Variants in KLRC3 observed in about 807,000 individuals in gnomAD.
KLRC3 encodes the protein killer cell lectin like receptor C3, also known as NKG2-E type II integral membrane protein.
In KLRC3, 16 loss-of-function variants were observed where a neutral mutation model predicts 23.6. The ratio of observed to expected loss-of-function variants is 0.68; its 90% CI spans 0.46 to 1.03. The LOEUF is 1.03. Ranked by LOEUF, KLRC3 falls within the 50% of genes least tolerant of loss-of-function variation. KLRC3 has a pLI of 0.00. For missense variants in KLRC3, 209 were observed against 232.2 expected (o/e 0.90, Z 0.65); for synonymous variants, 70 against 71.8 (o/e 0.98, Z 0.13).
intron 6 of KLRC3, among the ~76,000 whole-genome samples, chr12:10,414,313 C>T (rs1591599754): frequency 6.6e-6 from 1 of 151,088 alleles, no homozygotes; most frequent in Non-Finnish European, 1.5e-5. Flanking sequence ...CAATTGATAA[C>T]ATCTATTGAA....
At position 10,415,703 on chromosome 12, in the gene KLRC3, C is replaced by T; in HGVS notation, c.678+1G>A. On this transcript the variant is annotated splice_donor_variant, in intron 6 of 6. Coordinates refer to ENST00000396439, the MANE Select transcript of KLRC3 (RefSeq NM_002261.3). LOFTEE classifies it high-confidence loss of function. ...GCTTTAATTCTAAAGCTTATGCTCA[C>T]AATGATTCTTGAAGATCCACACTGG... 2 of 1,613,052 alleles carry T rather than the reference C, an allele frequency of 1.2e-6. No homozygotes were observed. Among genetic ancestry groups the T allele is most frequent in the South Asian group, 1.1e-5 (1 of 90,950 alleles).
chr12:10,415,941 G>A, intron 5 of KLRC3, 147 bp from the exon 6 acceptor site: 1 of 638,500 alleles, frequency 1.6e-6, no homozygotes, highest in Non-Finnish European at 2.7e-6. Context: ...TCATTATTCT[G>A]AACACTCAAT....
intron 2 of KLRC3, 125 bp downstream of exon 2, chr12:10,419,741 A>C (rs1247264765): frequency 3.2e-6 from 1 of 313,598 alleles, no homozygotes; most frequent in Non-Finnish European, 6.3e-6. Flanking sequence ...AAATAAATGA[A>C]GTAATAGATC....
chr12:10,419,982 G>A lies in KLRC3; in HGVS notation c.188-18C>T, dbSNP rs1359899071. Reference sequence around the variant, plus strand: ...CAGTAAACCTGCAGGGAGAGAAATAGAGGCACTGAGAGAGGGGAGATAGAG... The same window carrying A: ...CAGTAAACCTGCAGGGAGAGAAATAAAGGCACTGAGAGAGGGGAGATAGAG... On this transcript the variant is annotated intron_variant, in intron 1 of 6. Transcript: ENST00000396439. The A allele has an allele frequency of 4.8e-6, 2 of 417,164 alleles. No homozygotes were observed. The highest frequency in any genetic ancestry group is 4.9e-5 in the African/African-American group (2 of 40,834). 25.8% of individuals were successfully genotyped at this position (417,164 alleles called of 1,614,324 possible).
At chr12:10,416,596 G>A (rs2927556) in intron 5 of KLRC3, 71 bp downstream of exon 5, 3 of 1,494,178 alleles carry the variant, frequency 2.0e-6, no homozygotes, top group East Asian at 2.4e-5. Context: ...ATTCCACATA[G>A]ATTTATTCAT....
chr12:10,418,742 CAT>C (rs1219228181), intron 3 of KLRC3, among the ~76,000 whole-genome samples: 4 of 152,250 alleles, frequency 2.6e-5, no homozygotes, highest in Admixed American at 6.5e-5. Context: ...ACACTCCACA[CAT>C]GTCTTGAACC....
At position 10,418,455 on chromosome 12, in the gene KLRC3, G is replaced by C; in HGVS notation, c.375C>G (p.Ser125=). The change falls in exon 4 of 7, where the codon TCC becomes TCG. Residue 125 remains serine, a synonymous_variant. Coordinates refer to ENST00000396439, the MANE Select transcript of KLRC3 (RefSeq NM_002261.3). ...CCTTACCAATGTAATAACAACTGTT[G>C]GAATATGTAATCCACTCCTCAGGAC... ...GHCPEEWITY[S]NSCYYIGKER... 1 of 1,605,392 alleles carries C rather than the reference G, an allele frequency of 6.2e-7. No homozygotes were observed. The highest frequency in any genetic ancestry group is 8.5e-7 in the Non-Finnish European group (1 of 1,172,312).
intron 6 of KLRC3, among the ~76,000 whole-genome samples, chr12:10,414,308 G>T (rs562368399): frequency 6.6e-6 from 1 of 151,490 alleles, no homozygotes; most frequent in Non-Finnish European, 1.5e-5. Flanking sequence ...TGTTACAATT[G>T]ATAACATCTA....
intron 6 of KLRC3, 63 bp downstream of exon 6, chr12:10,415,641 A>C (rs776018022): frequency 1.9e-6 from 3 of 1,606,266 alleles, no homozygotes; most frequent in Non-Finnish European, 1.7e-6. Flanking sequence ...TGTTTGAACA[A>C]ATATAAAATT....
intron 4 of KLRC3, among the ~76,000 whole-genome samples, 162 bp downstream of exon 4, chr12:10,418,182 G>T (rs34521278): frequency 6.6e-6 from 1 of 152,020 alleles, no homozygotes; most frequent in African/African-American, 2.4e-5. Context: ...GTACATTAGC[G>T]GTATATAACT....
At position 10,420,460 on chromosome 12, in the gene KLRC3, T is replaced by C. The variant is rs755163865; in HGVS notation, c.91A>G (p.Ile31Val). The change falls in exon 1 of 7, where the codon ATT becomes GTT. Residue 31 changes from isoleucine to valine, a missense_variant. Ile to Val is a conservative substitution (Grantham distance 29, BLOSUM62 3). Transcript: ENST00000396439. ...AATATTTCCTGTTCGGTTCCTGAAA[T>C]GGAGCTTTTATTGCCTTTAGGTTTC... Reference protein sequence around the residue: ...QRKPKGNKSSISGTEQEIFQV... With the variant: ...QRKPKGNKSSVSGTEQEIFQV... 5.0e-6 allele frequency: 8 copies of C among 1,613,200 alleles called. No homozygotes were observed. The highest frequency in any genetic ancestry group is 4.0e-5 in the African/African-American group (3 of 74,680).
chr12:10,417,539 C>T (rs1863662907), intron 4 of KLRC3, among the ~76,000 whole-genome samples: 2 of 152,122 alleles, frequency 1.3e-5, no homozygotes, highest in Non-Finnish European at 2.9e-5. Flanking sequence ...AAGGCTGGTG[C>T]CACTGGCAAG....
At chr12:10,414,620 G>A in intron 6 of KLRC3, among the ~76,000 whole-genome samples, 1 of 118,766 alleles carries the variant, frequency 8.4e-6, no homozygotes, top group Admixed American at 9.4e-5. Context: ...TGGGGTGGGG[G>A]GAGGGGGGAG....
At position 10,415,793 on chromosome 12, in the gene KLRC3, T is replaced by A. The variant is rs774801905; in HGVS notation, c.589A>T (p.Ile197Leu). 20 of 1,607,144 alleles carry A rather than the reference T, an allele frequency of 1.2e-5. No homozygotes were observed. In the South Asian group the frequency reaches 2.2e-4, roughly 18 times the overall value. ...CGTTCAGCATGATCTGAGTCTTTTATCCTGTAATGGAGAAAAATCCATAAT... is the reference window on the plus strand; with the variant it reads ...CGTTCAGCATGATCTGAGTCTTTTAACCTGTAATGGAGAAAAATCCATAAT... ...TINGLAFKHE[I>L]KDSDHAERNC... Residue 197 changes from isoleucine (I) to leucine (L), a missense_variant and splice_region_variant, in exon 6 of 7, where the codon ATA becomes TTA. Coordinates refer to ENST00000396439, the MANE Select transcript of KLRC3 (RefSeq NM_002261.3).
intron 6 of KLRC3, among the ~76,000 whole-genome samples, chr12:10,414,071 A>G (rs1863608241): frequency 6.6e-6 from 1 of 152,172 alleles, no homozygotes; most frequent in Non-Finnish European, 1.5e-5. Context: ...GTACATAGCT[A>G]CAAATAAAAA....
At chr12:10,416,994 G>T (rs1319377124) in intron 4 of KLRC3, among the ~76,000 whole-genome samples, 1 of 151,964 alleles carries the variant, frequency 6.6e-6, no homozygotes, top group Non-Finnish European at 1.5e-5. Context: ...CCAATTAACA[G>T]AATAAACACA....
At chr12:10,416,633 A>G (rs1350719715) in intron 5 of KLRC3, 34 bp downstream of exon 5, 3 of 1,579,528 alleles carry the variant, frequency 1.9e-6, no homozygotes, top group Non-Finnish European at 1.7e-6. Context: ...TATCCTTTAT[A>G]TTTTTTTATA....
At chr12:10,416,638 T>C in intron 5 of KLRC3, 29 bp downstream of exon 5, 1 of 1,585,710 alleles carries the variant, frequency 6.3e-7, no homozygotes, top group Non-Finnish European at 8.6e-7. Context: ...TTTATATTTT[T>C]TTATATAGCA....
rs139754201 is a variant in KLRC3 at position 10,418,404 on chromosome 12, C to A, written c.426G>T (p.Leu142Phe). 2 of 1,612,064 alleles carry A rather than the reference C, an allele frequency of 1.2e-6. No homozygotes were observed. The highest frequency in any genetic ancestry group is 1.7e-6 in the Non-Finnish European group (2 of 1,178,370). The change falls in exon 4 of 7, where the codon TTG (leucine) becomes TTT (phenylalanine). Residue 142 changes from leucine (L) to phenylalanine (F), a missense_variant. Transcript: ENST00000396439. Reference protein sequence around the residue: ...GKERRTWEESLQACASKNSSS... With the variant: ...GKERRTWEESFQACASKNSSS... ...AAGAGTTCTTTGAAGCACAGGCCTG[C>A]AAACTCTCTTCCCAAGTTCTTCTTT...
Sources: allele counts gnomAD v4.1 joint callset (sites outside exome capture counted in the v4.1 genomes callset), GRCh38; gene constraint gnomAD v4.1.1; transcripts MANE v1.5; gene names NCBI Gene and HGNC (gene_info 2026-07-23, HGNC 2026-07-21).